The following LPA variants were observed in gnomAD, a reference collection of about 807,000 sequenced individuals.
The protein encoded by LPA is lipoprotein(a).
In LPA, 199 loss-of-function variants were observed where a neutral mutation model predicts 197.9. The observed-to-expected ratio is 1.01, with a 90% CI of 0.90 to 1.13. The LOEUF (loss-of-function observed/expected upper bound fraction) is 1.13, where lower values mean the gene tolerates loss of function less well. Ranked by LOEUF, LPA falls within the 50% of genes most tolerant of loss-of-function variation. The pLI, the probability that LPA is intolerant of heterozygous loss-of-function variation, is 0.00. For synonymous variants in LPA, 715 were observed against 639.5 expected, an observed-to-expected ratio of 1.12 and a Z score of -1.78; for missense variants, 1,853 against 1,785.8, an observed-to-expected ratio of 1.04 and a Z score of -0.68.
At chr6:160,611,540 A>C (rs773697871) in intron 16 of LPA, 22 bp downstream of exon 16, 16 of 1,606,974 alleles carry the variant, frequency 1.0e-5, no homozygotes, top group South Asian at 1.1e-5. Context: ...TTATTCTCTT[A>C]TGGTAAAGAA....
chr6:160,653,997 T>TATATATAATATATAATATATATA (rs1780064082), intron 1 of LPA, among the ~76,000 whole-genome samples: 1 of 10,842 alleles, frequency 9.2e-5, no homozygotes, highest in Non-Finnish European at 1.5e-4. Context: ...TAATATATAT[T>TATATATAATATATAATATATATA]ATATATAATA....
At chr6:160,610,812 A>G (rs1382206361) in intron 16 of LPA, among the ~76,000 whole-genome samples, 7 of 152,116 alleles carry the variant, frequency 4.6e-5, no homozygotes, top group African/African-American at 7.3e-5. Context: ...CAAGGCATCT[A>G]TGGAGTTGAG....
At position 160,577,179 on chromosome 6, in the gene LPA, T is replaced by A; in HGVS notation, c.4588A>T (p.Ile1530Leu). ...GRTCQSWSSM[I>L]PHWHQRTPEN... The stretch of plus-strand genomic sequence containing the variant: ...GGGGTCCTCTGATGCCAGTGTGGTA[T>A]CATAGATGACCAAGATTGACAGGTC... Residue 1530 changes from isoleucine (I) to leucine (L), a missense_variant, in exon 28 of 39, where the codon ATA becomes TTA. Coordinates refer to ENST00000316300, the MANE Select transcript of LPA (RefSeq NM_005577.4). 1 of 1,613,916 alleles carries A rather than the reference T, an allele frequency of 6.2e-7. No individual in the cohort carries two copies. Among genetic ancestry groups the A allele is most frequent in the Non-Finnish European group, 8.5e-7 (1 of 1,179,842 alleles).
Position 160,533,347 on chromosome 6 carries a change from G to A in LPA, c.5843-698C>T, listed in dbSNP as rs41266365. ...CTTTCCAGGCACAAGCTCATAATGT[G>A]GTATATCTCACTTAATCCTCACAAC... On this transcript the variant is annotated intron_variant, in intron 37 of 38. Transcript: ENST00000316300. Among the ~76,000 whole-genome samples the A allele has an allele frequency of 1.8e-3, 279 of 152,250 alleles. 1 individual carries two copies. The highest frequency in any genetic ancestry group is 2.9e-3 in the Non-Finnish European group (197 of 68,020).
At chr6:160,548,347 T>G in intron 31 of LPA, 131 bp downstream of exon 31, 1 of 935,760 alleles carries the variant, frequency 1.1e-6, no homozygotes, top group Non-Finnish European at 1.6e-6. Flanking sequence ...TGGCAGAACC[T>G]CAACCAACAC....
intron 28 of LPA, among the ~76,000 whole-genome samples, chr6:160,564,711 G>A (rs191427133): frequency 7.2e-4 from 109 of 152,314 alleles, no homozygotes; most frequent in South Asian, 3.9e-3. Flanking sequence ...TGCCTCACCC[G>A]GGAAGTGTAA....
chr6:160,591,246 C>A (rs1779024154), intron 22 of LPA, 145 bp from the exon 23 acceptor site: 3 of 1,042,268 alleles, frequency 2.9e-6, no homozygotes, highest in Non-Finnish European at 4.3e-6. Context: ...CACAAATCGT[C>A]CTCAACTTCT....
chr6:160,590,832 A>G, intron 23 of LPA, 112 bp downstream of exon 23: 1 of 1,434,072 alleles, frequency 7.0e-7, no homozygotes, highest in East Asian at 2.4e-5. Flanking sequence ...GCTGACCCTG[A>G]GTCCACATTC....
intron 1 of LPA, among the ~76,000 whole-genome samples, chr6:160,655,990 C>T (rs1780125305): frequency 1.3e-5 from 2 of 152,168 alleles, no homozygotes; most frequent in African/African-American, 4.8e-5. Context: ...GGAGAAAAAG[C>T]CACTTGCCAA....
chr6:160,536,259 G>C (rs1412337397), intron 37 of LPA, among the ~76,000 whole-genome samples: 1 of 152,112 alleles, frequency 6.6e-6, no homozygotes, highest in East Asian at 1.9e-4. Flanking sequence ...TGGGATTTGG[G>C]GCCATCATGT....
At position 160,591,664 on chromosome 6, in the gene LPA, CCT is replaced by C. The variant is rs575545361; in HGVS notation, c.3630-565_3630-564del. ...TATGGTATAGCAATGGCTCCTCTCC[CCT>C]GTTACTTCAAATGGTGATGGTTGTA... On this transcript the variant is annotated intron_variant, in intron 22 of 38. Coordinates refer to ENST00000316300, the MANE Select transcript of LPA (RefSeq NM_005577.4). Among the ~76,000 whole-genome samples the C allele has an allele frequency of 1.2e-4, 18 of 152,314 alleles. No individual in the cohort carries two copies. In the East Asian group the frequency reaches 3.5e-3, roughly 29 times the overall value.
At chr6:160,566,127 A>G (rs1302115163) in intron 28 of LPA, among the ~76,000 whole-genome samples, 1 of 152,206 alleles carries the variant, frequency 6.6e-6, no homozygotes, top group African/African-American at 2.4e-5. Context: ...ATCCAGGAGA[A>G]CTTCCCCAAC....
At chr6:160,576,543 C>T (rs949686808) in intron 28 of LPA, among the ~76,000 whole-genome samples, 1 of 143,040 alleles carries the variant, frequency 7.0e-6, no homozygotes, top group African/African-American at 2.5e-5. Flanking sequence ...AATACTCAGA[C>T]ATACATAGTG....
chr6:160,593,694 G>A (rs1020539309), intron 22 of LPA, among the ~76,000 whole-genome samples: 2 of 152,148 alleles, frequency 1.3e-5, no homozygotes, highest in African/African-American at 2.4e-5. Flanking sequence ...TTCTAAGCAC[G>A]TGGCCATGTG....
At chr6:160,538,668 T>G (rs1280184554) in intron 36 of LPA, among the ~76,000 whole-genome samples, 1 of 152,168 alleles carries the variant, frequency 6.6e-6, no homozygotes, top group African/African-American at 2.4e-5. Context: ...AAAATCATCA[T>G]TAGCACCAAC....
chr6:160,656,336 C>G (rs927790110), intron 1 of LPA, among the ~76,000 whole-genome samples: 7 of 152,166 alleles, frequency 4.6e-5, no homozygotes, highest in African/African-American at 1.7e-4. Flanking sequence ...CATAATAGCC[C>G]TCATCCTACC....
In LPA at chr6:160,607,310, G is replaced by A. The variant is rs183047990; in HGVS notation, c.2604-652C>T. Among the ~76,000 whole-genome samples the A allele has an allele frequency of 1.2e-4, 19 of 152,218 alleles. No individual in the cohort carries two copies. In the East Asian group the frequency reaches 3.7e-3, roughly 29 times the overall value. ...CTGCAAGACTTCTCAAAGCTGCCCT[G>A]GAAAACTTGCTCCCAGGCAGAATGC... On this transcript the variant is annotated intron_variant, in intron 16 of 38. Coordinates refer to ENST00000316300, the MANE Select transcript of LPA (RefSeq NM_005577.4).
chr6:160,606,828 T>C (rs1192357654), intron 16 of LPA, among the ~76,000 whole-genome samples, 170 bp from the exon 17 acceptor site: 13 of 152,128 alleles, frequency 8.5e-5, no homozygotes, highest in Admixed American at 8.5e-4. Flanking sequence ...ACTAATCCTG[T>C]CTGCACATTT....
In LPA at chr6:160,558,341, C is replaced by A. The variant is rs1778304606; in HGVS notation, c.4632-770G>T. ...ATATATTACTTCAGGGAAGAAACAACATCCAACATGATACCATTCCCAGGC... is the reference window on the plus strand; with the variant it reads ...ATATATTACTTCAGGGAAGAAACAAAATCCAACATGATACCATTCCCAGGC... On this transcript the variant is annotated intron_variant, in intron 28 of 38. Coordinates refer to ENST00000316300, the MANE Select transcript of LPA (RefSeq NM_005577.4). 1.3e-5 allele frequency among the ~76,000 whole-genome samples: 2 copies of A among 152,154 alleles called. 1 individual carries two copies. Among genetic ancestry groups the A allele is most frequent in the African/African-American group, 4.8e-5 (2 of 41,434 alleles).
Sources: allele counts gnomAD v4.1 joint callset (sites outside exome capture counted in the v4.1 genomes callset), GRCh38; gene constraint gnomAD v4.1.1; transcripts MANE v1.5; gene names NCBI Gene and HGNC (gene_info 2026-07-23, HGNC 2026-07-21).